DNER: variants seen among roughly 807,000 people sequenced by gnomAD.
DNER encodes delta/notch like EGF repeat containing.
In DNER, 33 loss-of-function variants were observed where a neutral mutation model predicts 78.2. The ratio of observed to expected loss-of-function variants is 0.42; its 90% confidence interval spans 0.32 to 0.56. The LOEUF (loss-of-function observed/expected upper bound fraction) is 0.56. Among genes scored for constraint, DNER ranks in the 20% least tolerant of loss-of-function variants. The probability of loss-of-function intolerance (pLI) is 0.11; values close to 1 mark genes in which losing one functional copy is unlikely to be tolerated. For synonymous variants in DNER, 417 were observed against 384.8 expected, an observed-to-expected ratio of 1.08 and a Z score of -0.98; for missense variants, 918 against 975.3, an observed-to-expected ratio of 0.94 and a Z score of 0.78.
intron 1 of DNER, among the ~76,000 whole-genome samples, chr2:229,672,609 A>C (rs1699228988): frequency 1.3e-5 from 2 of 151,476 alleles, no homozygotes; most frequent in African/African-American, 4.9e-5. Flanking sequence ...AGGATGAGGG[A>C]GGGAGAGAAG....
chr2:229,470,689 A>G lies in DNER; in HGVS notation c.1261+6451T>C, dbSNP rs556761113. Reference sequence around the variant, plus strand: ...ACATGGTGAAACCCCGTCTCTACTAAAAATACAAAAATTAGCCGGGTGTGG... The same window carrying G: ...ACATGGTGAAACCCCGTCTCTACTAGAAATACAAAAATTAGCCGGGTGTGG... On this transcript the variant is annotated intron_variant, in intron 7 of 12. Transcript: ENST00000341772. Among the ~76,000 whole-genome samples, 5 of 152,206 alleles carry G rather than the reference A, an allele frequency of 3.3e-5. No homozygotes were observed. The East Asian group carries it at 9.7e-4, about 29-fold the overall frequency.
At chr2:229,443,549 T>C (rs1282750760) in intron 8 of DNER, among the ~76,000 whole-genome samples, 6 of 152,198 alleles carry the variant, frequency 3.9e-5, no homozygotes, top group African/African-American at 1.4e-4. Flanking sequence ...TAAAATCCCA[T>C]CAGAAATCCC....
At chr2:229,571,711 G>T (rs532671214) in intron 4 of DNER, among the ~76,000 whole-genome samples, 29 of 152,122 alleles carry the variant, frequency 1.9e-4, no homozygotes, top group Non-Finnish European at 2.9e-4. Flanking sequence ...TTTCTAACTT[G>T]GTATATTCCC....
At position 229,491,748 on chromosome 2, in the gene DNER, C is replaced by T. The variant is rs114683855; in HGVS notation, c.1148-14495G>A. 8.4e-3 allele frequency among the ~76,000 whole-genome samples: 1,280 copies of T among 152,206 alleles called. 21 individuals are homozygous for T. The highest frequency in any genetic ancestry group is 0.03 in the African/African-American group (1,226 of 41,514). On this transcript the variant is annotated intron_variant, in intron 6 of 12. Transcript: ENST00000341772. ...GATGTCTGACAGCCTTCCTTCACTC[C>T]ACATCTACTTTCTCCTTCCCCTGTA...
intron 4 of DNER, among the ~76,000 whole-genome samples, chr2:229,549,879 C>T (rs917938792): frequency 6.6e-6 from 1 of 151,398 alleles, no homozygotes; most frequent in African/African-American, 2.4e-5. Flanking sequence ...CCACTGCACT[C>T]CAGCCTGGGT....
chr2:229,676,433 T>C (rs1699302615), intron 1 of DNER, among the ~76,000 whole-genome samples: 1 of 152,252 alleles, frequency 6.6e-6, no homozygotes, highest in Non-Finnish European at 1.5e-5. Flanking sequence ...TGCTAAATCA[T>C]AGTTGAATAA....
intron 11 of DNER, among the ~76,000 whole-genome samples, chr2:229,381,190 A>G (rs1692727123): frequency 1.3e-5 from 2 of 152,030 alleles, no homozygotes; most frequent in Non-Finnish European, 2.9e-5. Context: ...TCCCTCCCCT[A>G]GCCAAGGGAA....
rs1694363899 is a variant in DNER at position 229,447,444 on chromosome 2, G to A, written c.1358C>T (p.Thr453Ile). Reference sequence around the variant, plus strand: ...TGTGAAGCCCGGGCTGCAGTTGCAGGTAAAGTGTACCCCGTCCACATAGCA... The same window carrying A: ...TGTGAAGCCCGGGCTGCAGTTGCAGATAAAGTGTACCCCGTCCACATAGCA... ...GTCYVDGVHF[T>I]CNCSPGFTGP... The change falls in exon 8 of 13, where the codon ACC becomes ATC. Residue 453 changes from threonine to isoleucine, a missense_variant. Physicochemically the swap from Thr to Ile is moderately conservative, Grantham distance 89 (BLOSUM62 -1). Transcript: ENST00000341772. 1 of 1,614,180 alleles carries A rather than the reference G, an allele frequency of 6.2e-7. No homozygotes were observed. The highest frequency in any genetic ancestry group is 8.5e-7 in the Non-Finnish European group (1 of 1,180,034).
intron 1 of DNER, among the ~76,000 whole-genome samples, chr2:229,689,199 T>C (rs116463141): frequency 0.012 from 1,798 of 152,296 alleles, 26 homozygotes; most frequent in Non-Finnish European, 0.019. Flanking sequence ...GTTTAGCCTA[T>C]GGTACCTATA....
chr2:229,456,125 T>C (rs1285699570), intron 7 of DNER, among the ~76,000 whole-genome samples: 1 of 152,016 alleles, frequency 6.6e-6, no homozygotes, highest in Non-Finnish European at 1.5e-5. Context: ...ACAGGAATCA[T>C]GGTGCCAGCA....
chr2:229,527,774 T>C (rs933087191), intron 5 of DNER, among the ~76,000 whole-genome samples: 1 of 152,212 alleles, frequency 6.6e-6, no homozygotes, highest in South Asian at 2.1e-4. Context: ...CTGGTAAATA[T>C]GGTTTATCTA....
intron 11 of DNER, among the ~76,000 whole-genome samples, chr2:229,369,869 A>G (rs964089617): frequency 1.3e-5 from 2 of 152,188 alleles, no homozygotes; most frequent in Admixed American, 1.3e-4. Flanking sequence ...ACTCATATGG[A>G]AAAAAGGATG....
chr2:229,464,544 T>C (rs534186294), intron 7 of DNER, among the ~76,000 whole-genome samples: 7 of 152,128 alleles, frequency 4.6e-5, no homozygotes, highest in African/African-American at 1.7e-4. Flanking sequence ...CTATTGACAA[T>C]GGAGATTTAA....
At chr2:229,595,471 G>A (rs1024592090) in intron 1 of DNER, among the ~76,000 whole-genome samples, 4 of 152,004 alleles carry the variant, frequency 2.6e-5, no homozygotes, top group African/African-American at 4.8e-5. Context: ...TGTTAGAGAC[G>A]AGGTTTCACC....
chr2:229,380,314 A>C (rs1349208646), intron 11 of DNER, among the ~76,000 whole-genome samples: 1 of 152,210 alleles, frequency 6.6e-6, no homozygotes. Flanking sequence ...GAGAGCAGAC[A>C]GATCAGGCCA....
chr2:229,418,334 G>T, intron 8 of DNER, 104 bp from the exon 9 acceptor site: 2 of 1,465,154 alleles, frequency 1.4e-6, no homozygotes, highest in Non-Finnish European at 1.8e-6. Context: ...TAGAAAGTAT[G>T]GTATAAACAG....
rs7589117 is a variant in DNER at position 229,531,990 on chromosome 2, G to C, written c.993+14957C>G. ...GAATGCAGATTGGTGGTTGACAGGG[G>C]TTGGGGGAAGGGACAAATGGGGAGT... is the stretch of plus-strand genomic sequence containing the variant. On this transcript the variant is annotated intron_variant, in intron 5 of 12. Transcript: ENST00000341772. Among the ~76,000 whole-genome samples, 1,005 of 152,226 alleles carry C rather than the reference G, an allele frequency of 6.6e-3. 7 individuals carry two copies. The highest frequency in any genetic ancestry group is 0.023 in the African/African-American group (948 of 41,530).
At chr2:229,424,069 A>T (rs1693821355) in intron 8 of DNER, among the ~76,000 whole-genome samples, 1 of 152,202 alleles carries the variant, frequency 6.6e-6, no homozygotes, top group South Asian at 2.1e-4. Context: ...AGCACCCAAA[A>T]TGTTATCAAT....
chr2:229,387,556 AAAGAAAG>A (rs1294534500), intron 11 of DNER, among the ~76,000 whole-genome samples: 17 of 148,358 alleles, frequency 1.1e-4, no homozygotes, highest in South Asian at 4.3e-4. Flanking sequence ...AGAAAGAAAG[AAAGAAAG>A]AAAGAAAAGA....
Sources: allele counts gnomAD v4.1 joint callset (sites outside exome capture counted in the v4.1 genomes callset), GRCh38; gene constraint gnomAD v4.1.1; transcripts MANE v1.5; gene names NCBI Gene and HGNC (gene_info 2026-07-23, HGNC 2026-07-21).